The following PLXDC2 variants were observed in gnomAD, a reference collection of about 807,000 sequenced individuals.
The protein encoded by PLXDC2 is plexin domain containing 2, also known as plexin domain-containing protein 2.
A neutral mutation model predicts 68.9 loss-of-function variants in PLXDC2; 40 were observed. That is an observed-to-expected ratio of 0.58 (90% CI 0.45 to 0.76). PLXDC2 has a LOEUF of 0.76. Ranked by LOEUF, PLXDC2 falls within the 30% of genes least tolerant of loss-of-function variation. The pLI is 0.00. For missense variants in PLXDC2, 644 were observed against 661.9 expected, an observed-to-expected ratio of 0.97 and a Z score of 0.30; for synonymous variants, 243 against 234.2, an observed-to-expected ratio of 1.04 and a Z score of -0.34.
At chr10:20,118,092 A>G (rs1833645783) in intron 4 of PLXDC2, among the ~76,000 whole-genome samples, 1 of 143,576 alleles carries the variant, frequency 7.0e-6, no homozygotes, top group Non-Finnish European at 1.5e-5. Flanking sequence ...ATATACATGC[A>G]TCCATATATG....
intron 1 of PLXDC2, among the ~76,000 whole-genome samples, chr10:19,941,923 C>G (rs1833825555): frequency 6.6e-6 from 1 of 150,834 alleles, no homozygotes. Context: ...CACCTATTTC[C>G]TAATCAAACC....
intron 3 of PLXDC2, among the ~76,000 whole-genome samples, chr10:20,062,611 T>G (rs1351985920): frequency 1.3e-5 from 2 of 152,084 alleles, no homozygotes; most frequent in African/African-American, 4.8e-5. Flanking sequence ...TCCATATACT[T>G]CCATTAAAAG....
At chr10:19,950,139 C>T (rs1833968226) in intron 1 of PLXDC2, among the ~76,000 whole-genome samples, 1 of 152,214 alleles carries the variant, frequency 6.6e-6, no homozygotes, top group Non-Finnish European at 1.5e-5. Context: ...CACTCATATT[C>T]AAGATATTAC....
chr10:20,200,411 T>C (rs989991413), intron 9 of PLXDC2, among the ~76,000 whole-genome samples: 3 of 152,060 alleles, frequency 2.0e-5, no homozygotes, highest in African/African-American at 7.2e-5. Flanking sequence ...TTGTGTATTT[T>C]ATAAGGGTTA....
intron 12 of PLXDC2, among the ~76,000 whole-genome samples, chr10:20,239,476 C>A (rs1174344273): frequency 1.3e-5 from 2 of 152,160 alleles, no homozygotes; most frequent in Non-Finnish European, 2.9e-5. Flanking sequence ...AAAGCAAGCA[C>A]CTTCTTCACA....
Position 20,266,413 on chromosome 10 carries a change from T to A in PLXDC2, c.1474-13290T>A, listed in dbSNP as rs530643782. On this transcript the variant is annotated intron_variant, in intron 13 of 13. Transcript: ENST00000377252. ...AAAATGATACAAGAACAATTGTTGT[T>A]TATTGAAAATTACAGCAGTACCCAA... Among the ~76,000 whole-genome samples the A allele has an allele frequency of 2.6e-5, 4 of 151,104 alleles. No individual in the cohort carries two copies. The South Asian group carries it at 8.3e-4, about 31-fold the overall frequency.
chr10:20,133,407 T>A (rs978084961), intron 4 of PLXDC2, among the ~76,000 whole-genome samples: 1 of 152,228 alleles, frequency 6.6e-6, no homozygotes, highest in African/African-American at 2.4e-5. Context: ...ATGAACTCCC[T>A]CATCTTTTGT....
At chr10:20,276,453 A>G (rs1836008133) in intron 13 of PLXDC2, among the ~76,000 whole-genome samples, 1 of 152,230 alleles carries the variant, frequency 6.6e-6, no homozygotes, top group Non-Finnish European at 1.5e-5. Flanking sequence ...CTGCACAGCC[A>G]ACCCCAGTGC....
intron 12 of PLXDC2, among the ~76,000 whole-genome samples, chr10:20,220,737 C>T (rs1396413556): frequency 6.6e-6 from 1 of 151,730 alleles, no homozygotes; most frequent in African/African-American, 2.4e-5. Flanking sequence ...GTGAACAAGG[C>T]TTAGACAAAT....
chr10:19,956,056 G>C (rs554802851), intron 1 of PLXDC2, among the ~76,000 whole-genome samples: 1 of 152,010 alleles, frequency 6.6e-6, no homozygotes, highest in Non-Finnish European at 1.5e-5. Flanking sequence ...TCCAGCTTGG[G>C]TGACAAGAGT....
At chr10:20,196,781 A>G (rs1169186881) in intron 9 of PLXDC2, among the ~76,000 whole-genome samples, 1 of 152,200 alleles carries the variant, frequency 6.6e-6, no homozygotes, top group Non-Finnish European at 1.5e-5. Flanking sequence ...AACACGGTTC[A>G]TGTCAACTAT....
At chr10:19,959,036 GT>G (rs1834115407) in intron 1 of PLXDC2, among the ~76,000 whole-genome samples, 1 of 152,146 alleles carries the variant, frequency 6.6e-6, no homozygotes, top group African/African-American at 2.4e-5. Flanking sequence ...AAGCAACATA[GT>G]TGTTACTCTT....
In PLXDC2 at chr10:20,239,939, C is replaced by A. The variant is rs569775786; in HGVS notation, c.1313-5406C>A. 4.6e-5 allele frequency among the ~76,000 whole-genome samples: 7 copies of A among 152,208 alleles called. No homozygotes were observed. In the South Asian group the frequency reaches 1.5e-3, roughly 32 times the overall value. ...CATTTGAGGTGACTATGTTTTTTAA[C>A]TTTTATTTTAGGTTCAGGGGTACCT... On this transcript the variant is annotated intron_variant, in intron 12 of 13. Transcript: ENST00000377252.
chr10:19,964,905 TA>T (rs1402836096), intron 1 of PLXDC2, among the ~76,000 whole-genome samples: 2 of 152,172 alleles, frequency 1.3e-5, no homozygotes, highest in Non-Finnish European at 2.9e-5. Flanking sequence ...ACTTTGCAAT[TA>T]AATTTTCTCT....
intron 1 of PLXDC2, among the ~76,000 whole-genome samples, chr10:19,866,005 A>G (rs1216456520): frequency 1.3e-5 from 2 of 152,184 alleles, no homozygotes; most frequent in African/African-American, 2.4e-5. Flanking sequence ...CCCCTCATTT[A>G]TACTTCATTG....
intron 4 of PLXDC2, among the ~76,000 whole-genome samples, chr10:20,124,321 G>A (rs1364887123): frequency 6.6e-6 from 1 of 152,154 alleles, no homozygotes; most frequent in Non-Finnish European, 1.5e-5. Context: ...TTGAAGAGTG[G>A]AAAGGAGAAA....
In PLXDC2 at chr10:20,164,461, T is replaced by C. The variant is rs1834346178; in HGVS notation, c.784-7T>C. On this transcript the variant is annotated splice_region_variant and splice_polypyrimidine_tract_variant and intron_variant, in intron 6 of 13. Coordinates refer to ENST00000377252, the MANE Select transcript of PLXDC2 (RefSeq NM_032812.9). Reference sequence around the variant, plus strand: ...AACATATAGTTACCTGCTTTGTTTTTTTCCAGATTCCTGTCTTGGTCACAC... The same window carrying C: ...AACATATAGTTACCTGCTTTGTTTTCTTCCAGATTCCTGTCTTGGTCACAC... 1.9e-6 allele frequency: 3 copies of C among 1,607,164 alleles called. No individual in the cohort carries two copies. The highest frequency in any genetic ancestry group is 1.7e-6 in the Non-Finnish European group (2 of 1,174,022).
intron 1 of PLXDC2, among the ~76,000 whole-genome samples, chr10:19,835,086 C>A (rs1030407568): frequency 6.6e-6 from 1 of 152,170 alleles, no homozygotes; most frequent in Admixed American, 6.5e-5. Flanking sequence ...GTGAAATCTT[C>A]AGGGAACTGC....
At chr10:20,184,764 G>C (rs79955182) in intron 9 of PLXDC2, among the ~76,000 whole-genome samples, 14,191 of 151,744 alleles carry the variant, frequency 0.094, 867 homozygotes, top group Non-Finnish European at 0.14. Context: ...TTTTCCTTTG[G>C]TTTTGTCTCT....
Sources: allele counts gnomAD v4.1 joint callset (sites outside exome capture counted in the v4.1 genomes callset), GRCh38; gene constraint gnomAD v4.1.1; transcripts MANE v1.5; gene names NCBI Gene and HGNC (gene_info 2026-07-23, HGNC 2026-07-21).